LRRTM4: variants seen among roughly 807,000 people sequenced by gnomAD.
The protein encoded by LRRTM4 is leucine rich repeat transmembrane neuronal 4, also known as leucine-rich repeat transmembrane neuronal protein 4.
Under a neutral mutation model 47.6 loss-of-function variants are expected in LRRTM4, and 25 were observed. The observed-to-expected ratio is 0.53, with a 90% confidence interval of 0.38 to 0.73. LRRTM4 has a LOEUF of 0.73. LRRTM4 is among the 30% of genes least tolerant of loss of function. The probability of loss-of-function intolerance (pLI) is 0.00; values close to 1 mark genes in which losing one functional copy is unlikely to be tolerated. For missense variants in LRRTM4, 638 were observed against 713.4 expected, an observed-to-expected ratio of 0.89 and a Z score of 1.20; for synonymous variants, 311 against 269.5, an observed-to-expected ratio of 1.15 and a Z score of -1.51.
chr2:77,032,509 G>A (rs554160723), intron 3 of LRRTM4, among the ~76,000 whole-genome samples: 40 of 152,026 alleles, frequency 2.6e-4, no homozygotes, highest in African/African-American at 8.7e-4. Context: ...GCAGAAATTG[G>A]CACAAAATAG....
chr2:76,797,863 C>G (rs1441058320), intron 3 of LRRTM4, among the ~76,000 whole-genome samples: 1 of 151,698 alleles, frequency 6.6e-6, no homozygotes, highest in Non-Finnish European at 1.5e-5. Flanking sequence ...TCAAAAGAGA[C>G]AGTGAAGGCC....
rs1178809378 is a variant in LRRTM4 at position 76,781,327 on chromosome 2, C to A, written c.1552-32411G>T. On this transcript the variant is annotated intron_variant, in intron 3 of 3. Transcript: ENST00000409884. ...CTTTGTTTACCTAATCAAGCCTGTT[C>A]AATGGCGGGCACCCCTCCCCCAGCC... Among the ~76,000 whole-genome samples the A allele has an allele frequency of 2.6e-5, 4 of 152,326 alleles. No individual in the cohort carries two copies. In the East Asian group the frequency reaches 7.7e-4, roughly 29 times the overall value.
intron 3 of LRRTM4, among the ~76,000 whole-genome samples, chr2:77,179,426 C>T (rs994913643): frequency 1.3e-5 from 2 of 152,030 alleles, no homozygotes; most frequent in South Asian, 4.1e-4. Flanking sequence ...AACTTTTTCC[C>T]TTGTGTGTTG....
chr2:76,763,238 T>C (rs147939744), intron 3 of LRRTM4, among the ~76,000 whole-genome samples: 66 of 152,342 alleles, frequency 4.3e-4, no homozygotes, highest in African/African-American at 1.5e-3. Flanking sequence ...CTTTGCACTG[T>C]GGACTGAATA....
At chr2:76,804,330 C>A (rs968634966) in intron 3 of LRRTM4, among the ~76,000 whole-genome samples, 2 of 152,018 alleles carry the variant, frequency 1.3e-5, no homozygotes, top group Non-Finnish European at 2.9e-5. Context: ...TATATGTCTA[C>A]CTTTTGATTT....
intron 3 of LRRTM4, among the ~76,000 whole-genome samples, chr2:76,986,580 G>T (rs950705296): frequency 6.6e-6 from 1 of 151,896 alleles, no homozygotes; most frequent in East Asian, 1.9e-4. Flanking sequence ...TAATTACAAA[G>T]ATTTATCTTG....
At chr2:77,013,365 T>C (rs1677944043) in intron 3 of LRRTM4, among the ~76,000 whole-genome samples, 1 of 152,082 alleles carries the variant, frequency 6.6e-6, no homozygotes, top group African/African-American at 2.4e-5. Flanking sequence ...TCGCAGGCAA[T>C]AGAGAATGGA....
chr2:76,784,926 G>C (rs982019143), intron 3 of LRRTM4, among the ~76,000 whole-genome samples: 1 of 152,062 alleles, frequency 6.6e-6, no homozygotes, highest in South Asian at 2.1e-4. Flanking sequence ...TTCGAATAGA[G>C]ATTCACAATA....
chr2:77,410,172 AG>A (rs1674362781), intron 3 of LRRTM4, among the ~76,000 whole-genome samples: 1 of 152,208 alleles, frequency 6.6e-6, no homozygotes. Context: ...TAAAATATAA[AG>A]AAGAGAAATC....
intron 3 of LRRTM4, among the ~76,000 whole-genome samples, chr2:76,926,919 C>A (rs1228075117): frequency 6.6e-6 from 1 of 152,078 alleles, no homozygotes; most frequent in South Asian, 2.1e-4. Context: ...CATGAAAACA[C>A]GAAACATCCT....
intron 3 of LRRTM4, among the ~76,000 whole-genome samples, chr2:76,751,833 T>G (rs1672859546): frequency 6.6e-6 from 1 of 152,146 alleles, no homozygotes; most frequent in Non-Finnish European, 1.5e-5. Context: ...GGAAGAATGC[T>G]TTCAAAAGGG....
intron 3 of LRRTM4, among the ~76,000 whole-genome samples, chr2:76,818,935 AGT>A: frequency 6.6e-6 from 1 of 151,932 alleles, no homozygotes; most frequent in Admixed American, 6.6e-5. Context: ...CAGTTTTAAT[AGT>A]TTTACTAGTA....
At chr2:76,900,899 C>T (rs1673602700) in intron 3 of LRRTM4, among the ~76,000 whole-genome samples, 2 of 152,042 alleles carry the variant, frequency 1.3e-5, no homozygotes, top group South Asian at 4.1e-4. Context: ...TTAGAAGTAC[C>T]AAAATTTAGA....
At chr2:77,144,317 C>A (rs910590962) in intron 3 of LRRTM4, among the ~76,000 whole-genome samples, 6 of 152,046 alleles carry the variant, frequency 3.9e-5, no homozygotes, top group African/African-American at 1.4e-4. Context: ...TAACCACACT[C>A]TTCACGACCA....
In LRRTM4 at chr2:77,308,082, G is replaced by C. The variant is rs554456038; in HGVS notation, c.1551+210236C>G. ...TCTATATATCTATATAACATATATA[G>C]ATATATAGATATATATGTATATGTT... On this transcript the variant is annotated intron_variant, in intron 3 of 3. Transcript: ENST00000409884. Among the ~76,000 whole-genome samples the C allele has an allele frequency of 6.7e-3, 916 of 136,328 alleles. 7 individuals are homozygous for C. The highest frequency in any genetic ancestry group is 0.024 in the African/African-American group (878 of 36,130). 89.4% of individuals were successfully genotyped at this position (136,328 alleles called of 152,430 possible).
intron 3 of LRRTM4, among the ~76,000 whole-genome samples, chr2:77,188,297 G>C (rs965544972): frequency 6.6e-6 from 1 of 152,020 alleles, no homozygotes; most frequent in African/African-American, 2.4e-5. Flanking sequence ...CCCCTCTATG[G>C]GGAAAATGAT....
chr2:77,092,338 C>A (rs1373872193), intron 3 of LRRTM4, among the ~76,000 whole-genome samples: 1 of 151,570 alleles, frequency 6.6e-6, no homozygotes, highest in African/African-American at 2.4e-5. Context: ...CTGTTCCTCA[C>A]CCTGATCACA....
At chr2:77,296,230 T>C (rs1676969450) in intron 3 of LRRTM4, among the ~76,000 whole-genome samples, 1 of 152,166 alleles carries the variant, frequency 6.6e-6, no homozygotes, top group Non-Finnish European at 1.5e-5. Context: ...CAACACTAAA[T>C]ATATTTTAAC....
intron 3 of LRRTM4, among the ~76,000 whole-genome samples, chr2:77,408,672 C>T (rs980732829): frequency 3.3e-5 from 5 of 152,168 alleles, no homozygotes; most frequent in African/African-American, 1.2e-4. Context: ...AGGATAGGTG[C>T]TTCTCCTCTG....
Sources: allele counts gnomAD v4.1 joint callset (sites outside exome capture counted in the v4.1 genomes callset), GRCh38; gene constraint gnomAD v4.1.1; transcripts MANE v1.5; gene names NCBI Gene and HGNC (gene_info 2026-07-23, HGNC 2026-07-21).